The following FOXO1 variants were observed in gnomAD, a reference collection of about 807,000 sequenced individuals.
The protein encoded by FOXO1 is forkhead box O1, also known as forkhead box protein O1.
FOXO1 carries 6 observed loss-of-function variants against 44.1 expected under a neutral mutation model. The ratio of observed to expected loss-of-function variants is 0.14; its 90% CI spans 0.07 to 0.27. FOXO1 has a LOEUF of 0.27. Ranked by LOEUF, FOXO1 falls within the 10% of genes least tolerant of loss-of-function variation. The pLI is 1.00. For missense variants in FOXO1, 737 were observed against 888.8 expected (o/e 0.83, Z 2.17); for synonymous variants, 380 against 362.7 (o/e 1.05, Z -0.54).
At chr13:40,610,592 T>C (rs1876193689) in intron 1 of FOXO1, among the ~76,000 whole-genome samples, 1 of 152,202 alleles carries the variant, frequency 6.6e-6, no homozygotes, top group Non-Finnish European at 1.5e-5. Context: ...TCATGGCTCA[T>C]TGTGGCTCAC....
chr13:40,647,813 A>G (rs1288837139), intron 1 of FOXO1, among the ~76,000 whole-genome samples: 1 of 152,138 alleles, frequency 6.6e-6, no homozygotes, highest in Non-Finnish European at 1.5e-5. Context: ...AGCATCCTTC[A>G]CTGGCTGGAA....
intron 1 of FOXO1, among the ~76,000 whole-genome samples, chr13:40,586,794 G>A (rs1875183870): frequency 6.6e-6 from 1 of 152,124 alleles, no homozygotes; most frequent in African/African-American, 2.4e-5. Context: ...GATGGGTACG[G>A]AAGTTACTGA....
At chr13:40,660,548 G>A (rs1041973979) in intron 1 of FOXO1, among the ~76,000 whole-genome samples, 1 of 152,170 alleles carries the variant, frequency 6.6e-6, no homozygotes, top group Non-Finnish European at 1.5e-5. Flanking sequence ...ACAAGGACAG[G>A]CAACATGTTT....
At chr13:40,566,105 G>A (rs1355061435) in intron 1 of FOXO1, among the ~76,000 whole-genome samples, 1 of 152,324 alleles carries the variant, frequency 6.6e-6, no homozygotes, top group East Asian at 1.9e-4. Context: ...ACATTGCTGG[G>A]GCCAGGGGCC....
At chr13:40,645,273 T>C (rs1057230949) in intron 1 of FOXO1, among the ~76,000 whole-genome samples, 4 of 152,250 alleles carry the variant, frequency 2.6e-5, no homozygotes, top group Non-Finnish European at 5.9e-5. Context: ...CTGCTCATTT[T>C]AAAGGTCCTA....
intron 1 of FOXO1, among the ~76,000 whole-genome samples, chr13:40,635,008 T>C (rs1385043682): frequency 6.6e-6 from 1 of 152,098 alleles, no homozygotes; most frequent in Non-Finnish European, 1.5e-5. Context: ...AACAACCCTC[T>C]ACAATTTCAA....
chr13:40,636,294 T>C (rs895597634), intron 1 of FOXO1, among the ~76,000 whole-genome samples: 2 of 151,906 alleles, frequency 1.3e-5, no homozygotes, highest in Non-Finnish European at 2.9e-5. Flanking sequence ...TCAAACAAGG[T>C]AGGGTCCTCT....
At chr13:40,595,144 G>C (rs534325598) in intron 1 of FOXO1, among the ~76,000 whole-genome samples, 2 of 152,180 alleles carry the variant, frequency 1.3e-5, no homozygotes, top group African/African-American at 4.8e-5. Context: ...GAGATGGAGC[G>C]ATTAGGAGGT....
intron 1 of FOXO1, chr13:40,621,392 G>A: frequency 3.1e-6 from 1 of 323,030 alleles, no homozygotes; most frequent in Non-Finnish European, 5.7e-6. Flanking sequence ...TAGTAGAACT[G>A]AATGTTCAAG....
chr13:40,649,913 C>A (rs1566085042), intron 1 of FOXO1, among the ~76,000 whole-genome samples: 1 of 152,176 alleles, frequency 6.6e-6, no homozygotes, highest in Non-Finnish European at 1.5e-5. Context: ...CAAACTATTA[C>A]AGGAAAGGGG....
intron 1 of FOXO1, chr13:40,619,475 AC>A (rs1876537631): frequency 7.8e-7 from 1 of 1,286,746 alleles, no homozygotes; most frequent in African/African-American, 1.5e-5. Flanking sequence ...ACAAACTCGA[AC>A]AGTGGAGAGT....
At chr13:40,647,924 T>C (rs1341861328) in intron 1 of FOXO1, among the ~76,000 whole-genome samples, 1 of 152,194 alleles carries the variant, frequency 6.6e-6, no homozygotes, top group Non-Finnish European at 1.5e-5. Flanking sequence ...CCCACATCTA[T>C]GCCTGCAGAG....
intron 1 of FOXO1, among the ~76,000 whole-genome samples, chr13:40,623,479 C>T (rs1876684705): frequency 6.6e-6 from 1 of 152,092 alleles, no homozygotes; most frequent in African/African-American, 2.4e-5. Flanking sequence ...AGTTAGAATG[C>T]TGGGTTTGAA....
intron 1 of FOXO1, among the ~76,000 whole-genome samples, chr13:40,646,308 T>TTTA (rs1877508491): frequency 6.6e-6 from 1 of 150,838 alleles, no homozygotes; most frequent in Non-Finnish European, 1.5e-5. Context: ...TTTTTTTTTT[T>TTTA]TGAGATGGAG....
In FOXO1 at chr13:40,556,781, T is replaced by C. The variant is rs1873768431; in HGVS notation, c.*2268A>G. The C allele has an allele frequency of 6.6e-6, 1 of 152,194 alleles. No homozygotes were observed. The highest frequency in any genetic ancestry group is 6.5e-5 in the Admixed American group (1 of 15,282). The allele number at this position is 152,194 out of a possible 1,614,324, so 9.4% of individuals were successfully genotyped here. The stretch of plus-strand genomic sequence containing the variant: ...TGAAGTAGTAAGATTTTAACAGTGA[T>C]TTTGGCTGTAGTTGCCTCTTTAATG... On this transcript the variant is annotated 3_prime_UTR_variant, in exon 3 of 3. Coordinates refer to ENST00000379561, the MANE Select transcript of FOXO1 (RefSeq NM_002015.4).
chr13:40,624,739 G>A (rs1876731695), intron 1 of FOXO1, among the ~76,000 whole-genome samples: 1 of 152,072 alleles, frequency 6.6e-6, no homozygotes, highest in African/African-American at 2.4e-5. Flanking sequence ...CCCCCAACCT[G>A]GAATCATTTT....
chr13:40,624,095 T>C lies in FOXO1; in HGVS notation c.630+41488A>G, dbSNP rs541626713. Among the ~76,000 whole-genome samples, 43 of 151,714 alleles carry C rather than the reference T, an allele frequency of 2.8e-4. No individual in the cohort carries two copies. In the South Asian group the frequency reaches 7.9e-3, roughly 28 times the overall value. On this transcript the variant is annotated intron_variant, in intron 1 of 2. Transcript: ENST00000379561. ...CTTCAGCCTGGGTGACAGCATGAGA[T>C]TGTCTCAATAAATAAAAATAAGAAA...
At position 40,560,082 on chromosome 13, in the gene FOXO1, G is replaced by A; in HGVS notation, c.1409C>T (p.Ser470Phe). 3.1e-6 allele frequency: 5 copies of A among 1,614,140 alleles called. No homozygotes were observed. The highest frequency in any genetic ancestry group is 4.2e-6 in the Non-Finnish European group (5 of 1,180,026). Reference sequence around the variant, plus strand: ...TGTCATAATGTCATTATGGGGAGGAGAGTCAGAAGTCAGCAACTCCTTCAA... The same window carrying A: ...TGTCATAATGTCATTATGGGGAGGAAAGTCAGAAGTCAGCAACTCCTTCAA... Reference protein sequence around the residue: ...GLLKELLTSDSPPHNDIMTPV... With the variant: ...GLLKELLTSDFPPHNDIMTPV... The change falls in exon 2 of 3, where the codon TCT (serine) becomes TTT (phenylalanine). Residue 470 changes from serine (S) to phenylalanine (F), a missense_variant. Physicochemically the swap from Ser to Phe is radical, Grantham distance 155. This residue lies in a region of FOXO1 where 283 missense variants were observed against 278.1 expected (regional missense o/e 1.02). Coordinates refer to ENST00000379561, the MANE Select transcript of FOXO1 (RefSeq NM_002015.4). The surrounding 1 kb of genome is among the most constrained non-coding windows in gnomAD (Gnocchi z 5.1).
chr13:40,596,538 T>G (rs915474858), intron 1 of FOXO1, among the ~76,000 whole-genome samples: 4 of 152,216 alleles, frequency 2.6e-5, no homozygotes, highest in Non-Finnish European at 4.4e-5. Flanking sequence ...GCAAATTACT[T>G]AAGCTTTCTC....
Sources: allele counts gnomAD v4.1 joint callset (sites outside exome capture counted in the v4.1 genomes callset), GRCh38; gene constraint gnomAD v4.1.1; regional missense constraint gnomAD v4.1.1; non-coding constraint Gnocchi (gnomAD v3.1); transcripts MANE v1.5; gene names NCBI Gene and HGNC (gene_info 2026-07-23, HGNC 2026-07-21).